The following THSD7B variants were observed in gnomAD, a reference collection of about 807,000 sequenced individuals.
The protein encoded by THSD7B is thrombospondin type-1 domain-containing protein 7B.
Under a neutral mutation model 213.6 loss-of-function variants are expected in THSD7B, and 138 were observed. That is an observed-to-expected ratio of 0.65 (90% confidence interval 0.56 to 0.74). The LOEUF (loss-of-function observed/expected upper bound fraction) is 0.74. Ranked by LOEUF, THSD7B falls within the 30% of genes least tolerant of loss-of-function variation. The probability of loss-of-function intolerance (pLI) is 0.00; values close to 1 mark genes in which losing one functional copy is unlikely to be tolerated. For missense variants in THSD7B, 1,931 were observed against 1,991.5 expected, an observed-to-expected ratio of 0.97 and a Z score of 0.58; for synonymous variants, 742 against 687.0, an observed-to-expected ratio of 1.08 and a Z score of -1.25.
intron 2 of THSD7B, among the ~76,000 whole-genome samples, chr2:137,006,539 C>A (rs771849745): frequency 2.0e-5 from 3 of 152,134 alleles, no homozygotes; most frequent in Non-Finnish European, 2.9e-5. Context: ...AATCCTCATT[C>A]TACTGGTTTG....
At chr2:137,474,534 C>T (rs1211982314) in intron 15 of THSD7B, among the ~76,000 whole-genome samples, 1 of 152,172 alleles carries the variant, frequency 6.6e-6, no homozygotes, top group Non-Finnish European at 1.5e-5. Context: ...TTCTTGTTAG[C>T]TCTCTTTTAG....
intron 1 of THSD7B, among the ~76,000 whole-genome samples, chr2:136,837,642 G>A (rs1682865000): frequency 6.6e-6 from 1 of 152,320 alleles, no homozygotes; most frequent in South Asian, 2.1e-4. Flanking sequence ...AAGTGTGGAA[G>A]CTCCATTTGG....
intron 1 of THSD7B, among the ~76,000 whole-genome samples, chr2:136,787,528 A>G (rs1207118855): frequency 1.3e-5 from 2 of 152,302 alleles, no homozygotes; most frequent in African/African-American, 2.4e-5. Context: ...TGTGCCTACA[A>G]TGTAAGTTTA....
intron 9 of THSD7B, among the ~76,000 whole-genome samples, chr2:137,237,523 A>G (rs963115770): frequency 7.2e-5 from 11 of 152,202 alleles, no homozygotes; most frequent in African/African-American, 2.7e-4. Flanking sequence ...GCACGATACA[A>G]AATGGAATTC....
At chr2:136,876,898 T>A (rs1462930247) in intron 1 of THSD7B, among the ~76,000 whole-genome samples, 1 of 152,162 alleles carries the variant, frequency 6.6e-6, no homozygotes, top group Non-Finnish European at 1.5e-5. Context: ...CTGCAGTCTG[T>A]CTCCTAACAC....
chr2:137,300,791 G>A (rs1258742069), intron 12 of THSD7B, among the ~76,000 whole-genome samples: 1 of 152,080 alleles, frequency 6.6e-6, no homozygotes, highest in Non-Finnish European at 1.5e-5. Context: ...CTGGAATATA[G>A]GACAAGAAAG....
At chr2:137,612,855 A>G (rs1400416459) in intron 17 of THSD7B, among the ~76,000 whole-genome samples, 1 of 152,196 alleles carries the variant, frequency 6.6e-6, no homozygotes, top group African/African-American at 2.4e-5. Context: ...TAGGACACAG[A>G]TGCAGAACAA....
At chr2:137,014,813 C>T (rs1686306951) in intron 2 of THSD7B, among the ~76,000 whole-genome samples, 1 of 152,128 alleles carries the variant, frequency 6.6e-6, no homozygotes, top group South Asian at 2.1e-4. Context: ...TTTCTGTGCT[C>T]TTGTCCAACT....
intron 7 of THSD7B, among the ~76,000 whole-genome samples, chr2:137,219,564 C>G (rs541100434): frequency 6.6e-6 from 1 of 152,190 alleles, no homozygotes; most frequent in South Asian, 2.1e-4. Flanking sequence ...GAGGCCTGAG[C>G]TGAAAAATGT....
intron 1 of THSD7B, among the ~76,000 whole-genome samples, chr2:136,855,936 G>C (rs1683175166): frequency 6.6e-6 from 1 of 151,878 alleles, no homozygotes; most frequent in African/African-American, 2.4e-5. Context: ...TCTTCACATG[G>C]CTGGCTCCTT....
intron 15 of THSD7B, among the ~76,000 whole-genome samples, chr2:137,467,961 G>A (rs1411266790): frequency 6.6e-6 from 1 of 152,094 alleles, no homozygotes; most frequent in Admixed American, 6.6e-5. Context: ...GCCTCTTTGG[G>A]TTATTTATGA....
At chr2:136,864,979 A>G (rs191765691) in intron 1 of THSD7B, among the ~76,000 whole-genome samples, 2 of 152,350 alleles carry the variant, frequency 1.3e-5, no homozygotes, top group Non-Finnish European at 2.9e-5. Context: ...CCATGTGTCT[A>G]ATTAAAATTA....
At chr2:137,339,967 G>C (rs1015581985) in intron 12 of THSD7B, among the ~76,000 whole-genome samples, 3 of 151,278 alleles carry the variant, frequency 2.0e-5, no homozygotes, top group African/African-American at 7.3e-5. Flanking sequence ...TGATATCCCA[G>C]TTTTGTCTGG....
rs958891682 is a variant in THSD7B, at chr2:137,421,149, A to C, written c.2959+9277A>C. On this transcript the variant is annotated intron_variant, in intron 14 of 27. Transcript: ENST00000409968. ...CTGACTGTGTTTTTCCTCTGCCCACACACCAACACAACACCAATCATCAAC... is the reference window on the plus strand; with the variant it reads ...CTGACTGTGTTTTTCCTCTGCCCACCCACCAACACAACACCAATCATCAAC... Among the ~76,000 whole-genome samples the C allele has an allele frequency of 3.3e-5, 5 of 152,192 alleles. No individual in the cohort carries two copies. In the East Asian group the frequency reaches 5.8e-4, roughly 18 times the overall value.
At chr2:137,175,791 C>G (rs891626027) in intron 7 of THSD7B, among the ~76,000 whole-genome samples, 11 of 152,048 alleles carry the variant, frequency 7.2e-5, no homozygotes, top group Non-Finnish European at 1.3e-4. Flanking sequence ...GTTTTTACGT[C>G]TGTGATTGGA....
At chr2:137,466,632 A>G (rs1687995959) in intron 15 of THSD7B, among the ~76,000 whole-genome samples, 3 of 152,096 alleles carry the variant, frequency 2.0e-5, no homozygotes, top group Non-Finnish European at 4.4e-5. Flanking sequence ...TTGGCATCTG[A>G]GCTGCTTTAC....
intron 2 of THSD7B, among the ~76,000 whole-genome samples, chr2:136,971,419 G>A (rs1423365887): frequency 1.3e-5 from 2 of 152,062 alleles, no homozygotes; most frequent in East Asian, 3.9e-4. Flanking sequence ...GTTGTACCAT[G>A]TGAAAAATTG....
chr2:136,961,791 T>G (rs921174544), intron 2 of THSD7B, among the ~76,000 whole-genome samples: 1 of 152,180 alleles, frequency 6.6e-6, no homozygotes, highest in African/African-American at 2.4e-5. Flanking sequence ...TTATACAACC[T>G]TCGGTTACTA....
At chr2:137,313,181 C>T (rs1046579173) in intron 12 of THSD7B, among the ~76,000 whole-genome samples, 3 of 152,140 alleles carry the variant, frequency 2.0e-5, no homozygotes, top group Non-Finnish European at 4.4e-5. Context: ...CTTTATGAAT[C>T]TGGGTGCTCC....
Sources: allele counts gnomAD v4.1 joint callset (sites outside exome capture counted in the v4.1 genomes callset), GRCh38; gene constraint gnomAD v4.1.1; transcripts MANE v1.5; gene names NCBI Gene and HGNC (gene_info 2026-07-23, HGNC 2026-07-21).